PLPP4: variants seen among roughly 807,000 people sequenced by gnomAD.
PLPP4 encodes phospholipid phosphatase 4.
PLPP4 carries 20 observed loss-of-function variants against 32.2 expected under a neutral mutation model. The observed-to-expected ratio is 0.62, with a 90% CI of 0.44 to 0.90. PLPP4 has a LOEUF of 0.90. Ranked by LOEUF, PLPP4 falls within the 40% of genes least tolerant of loss-of-function variation. PLPP4 has a pLI of 0.00. For missense variants in PLPP4, 257 were observed against 353.1 expected (o/e 0.73, Z 2.18); for synonymous variants, 127 against 133.0 (o/e 0.95, Z 0.31).
chr10:120,463,291 G>C (rs934778636), intron 1 of PLPP4, among the ~76,000 whole-genome samples: 1 of 152,184 alleles, frequency 6.6e-6, no homozygotes, highest in Non-Finnish European at 1.5e-5. Context: ...CTCCCAAAGT[G>C]CTGGGATTAC....
intron 1 of PLPP4, among the ~76,000 whole-genome samples, chr10:120,492,154 G>T (rs758195499): frequency 5.9e-5 from 9 of 152,160 alleles, no homozygotes. Context: ...GCTTGACCCA[G>T]GTTATGAGGC....
At chr10:120,490,227 G>A (rs1367934991) in intron 1 of PLPP4, among the ~76,000 whole-genome samples, 1 of 152,202 alleles carries the variant, frequency 6.6e-6, no homozygotes, top group African/African-American at 2.4e-5. Flanking sequence ...CCCCACCTTG[G>A]GGATGTCTCC....
intron 6 of PLPP4, among the ~76,000 whole-genome samples, chr10:120,583,271 C>T (rs1430306103): frequency 6.6e-6 from 1 of 151,718 alleles, no homozygotes; most frequent in Non-Finnish European, 1.5e-5. Flanking sequence ...CTCAGTATGG[C>T]AGAACTCATA....
intron 5 of PLPP4, among the ~76,000 whole-genome samples, chr10:120,549,468 A>T (rs911163491): frequency 6.6e-6 from 1 of 151,868 alleles, no homozygotes; most frequent in Non-Finnish European, 1.5e-5. Context: ...AAAACTTTCA[A>T]AAAAGCCAGA....
rs1589887506 is a variant in PLPP4, at chr10:120,563,154, G to A, written c.446-11977G>A. 5.3e-5 allele frequency among the ~76,000 whole-genome samples: 8 copies of A among 152,278 alleles called. No individual in the cohort carries two copies. In the South Asian group the frequency reaches 8.3e-4, roughly 16 times the overall value. On this transcript the variant is annotated intron_variant, in intron 5 of 6. Transcript: ENST00000398250. ...GTTGAGAGGCTGAGTCAGGAGAATC[G>A]CTTGAAGCCAGGAGGCAGAGGTCGC...
chr10:120,481,520 GATA>G (rs1456544322), intron 1 of PLPP4, among the ~76,000 whole-genome samples: 2 of 152,166 alleles, frequency 1.3e-5, no homozygotes, highest in Non-Finnish European at 2.9e-5. Flanking sequence ...AGAGTTGAAA[GATA>G]ATGATAATGG....
intron 6 of PLPP4, among the ~76,000 whole-genome samples, chr10:120,583,560 A>T (rs1257785045): frequency 6.6e-6 from 1 of 152,074 alleles, no homozygotes; most frequent in Non-Finnish European, 1.5e-5. Context: ...CATTTTCATC[A>T]CCCCAAAGAA....
chr10:120,526,626 T>A (rs766138013), intron 5 of PLPP4, among the ~76,000 whole-genome samples: 1 of 152,198 alleles, frequency 6.6e-6, no homozygotes, highest in Non-Finnish European at 1.5e-5. Context: ...TCCATCTGTT[T>A]GTTCAGGCAT....
chr10:120,533,018 TG>T (rs1362731672), intron 5 of PLPP4, among the ~76,000 whole-genome samples: 1 of 152,186 alleles, frequency 6.6e-6, no homozygotes, highest in Non-Finnish European at 1.5e-5. Flanking sequence ...TTGTGGTTTT[TG>T]CCACTGAAGG....
intron 1 of PLPP4, among the ~76,000 whole-genome samples, chr10:120,498,654 C>CTT (rs11287636): frequency 1.4e-5 from 2 of 143,412 alleles, no homozygotes. Flanking sequence ...CTCTTCTATT[C>CTT]TTTTTTTTTT....
chr10:120,544,818 G>A (rs1160875009), intron 5 of PLPP4, among the ~76,000 whole-genome samples: 1 of 152,224 alleles, frequency 6.6e-6, no homozygotes, highest in Non-Finnish European at 1.5e-5. Flanking sequence ...AGGGCCCATT[G>A]GTTTGAGGCT....
intron 1 of PLPP4, among the ~76,000 whole-genome samples, chr10:120,470,504 C>T (rs1227635767): frequency 6.6e-6 from 1 of 152,142 alleles, no homozygotes; most frequent in Non-Finnish European, 1.5e-5. Flanking sequence ...AGTCGTTTCC[C>T]ACCCAAAACA....
rs1218129682 is a variant in PLPP4 at position 120,590,061 on chromosome 10, A to T, written c.*559A>T. 6.6e-6 allele frequency among the ~76,000 whole-genome samples: 1 copy of T among 152,194 alleles called. No individual in the cohort carries two copies. The highest frequency in any genetic ancestry group is 1.5e-5 in the Non-Finnish European group (1 of 68,028). On this transcript the variant is annotated 3_prime_UTR_variant, in exon 7 of 7. Coordinates refer to ENST00000398250, the MANE Select transcript of PLPP4 (RefSeq NM_001030059.3). Reference sequence around the variant, plus strand: ...AGCTTGAGCATTTCCAGGGCTTTTGAATCATTGAATCTGGAAGCAAATAAA... The same window carrying T: ...AGCTTGAGCATTTCCAGGGCTTTTGTATCATTGAATCTGGAAGCAAATAAA...
chr10:120,528,235 C>T (rs1377197027), intron 5 of PLPP4, among the ~76,000 whole-genome samples: 1 of 152,034 alleles, frequency 6.6e-6, no homozygotes, highest in African/African-American at 2.4e-5. Context: ...CCACCATGCT[C>T]GGCTAATTTT....
intron 5 of PLPP4, among the ~76,000 whole-genome samples, chr10:120,560,490 C>T (rs1165307519): frequency 6.6e-6 from 1 of 152,204 alleles, no homozygotes; most frequent in Admixed American, 6.5e-5. Context: ...CGCAGTGGCT[C>T]ACGCCTGTAA....
rs375347791 is a variant in PLPP4 at position 120,524,813 on chromosome 10, G to A, written c.445+3718G>A. On this transcript the variant is annotated intron_variant, in intron 5 of 6. Transcript: ENST00000398250. ...AGCTTAGGCTTTAAAGTGGAGAAAG[G>A]CAGTGTACCTTCCCATAGTGCTTAA... Among the ~76,000 whole-genome samples the A allele has an allele frequency of 3.9e-5, 6 of 152,292 alleles. No individual in the cohort carries two copies. The East Asian group carries it at 9.6e-4, about 24-fold the overall frequency.
intron 6 of PLPP4, among the ~76,000 whole-genome samples, chr10:120,578,964 C>G (rs1197240888): frequency 6.6e-6 from 1 of 152,108 alleles, no homozygotes; most frequent in Non-Finnish European, 1.5e-5. Context: ...TTGTGGAATC[C>G]CCATACTAGA....
At chr10:120,586,222 C>T (rs1296266015) in intron 6 of PLPP4, among the ~76,000 whole-genome samples, 28 of 151,458 alleles carry the variant, frequency 1.8e-4, no homozygotes, top group Admixed American at 1.3e-3. Flanking sequence ...GCAACCTCCA[C>T]CTCCCGGGTT....
chr10:120,508,431 A>G (rs1374435362), intron 2 of PLPP4, among the ~76,000 whole-genome samples: 1 of 152,186 alleles, frequency 6.6e-6, no homozygotes, highest in Non-Finnish European at 1.5e-5. Flanking sequence ...TCTGTTGTGA[A>G]TAAACCCCAG....
Sources: allele counts gnomAD v4.1 joint callset (sites outside exome capture counted in the v4.1 genomes callset), GRCh38; gene constraint gnomAD v4.1.1; transcripts MANE v1.5; gene names NCBI Gene and HGNC (gene_info 2026-07-23, HGNC 2026-07-21).